Variants in SAMD3 observed in about 807,000 individuals in gnomAD.
SAMD3 encodes the protein sterile alpha motif domain-containing protein 3.
SAMD3 carries 63 observed loss-of-function variants against 58.5 expected under a neutral mutation model. That is an observed-to-expected ratio of 1.08 (90% CI 0.88 to 1.33). The LOEUF (loss-of-function observed/expected upper bound fraction) is 1.33, where lower values mean the gene tolerates loss of function less well. Ranked by LOEUF, SAMD3 falls within the 40% of genes most tolerant of loss-of-function variation. The pLI is 0.00. For missense variants in SAMD3, 604 were observed against 608.4 expected, an observed-to-expected ratio of 0.99 and a Z score of 0.08; for synonymous variants, 220 against 210.3, an observed-to-expected ratio of 1.05 and a Z score of -0.40.
At chr6:130,348,694 C>A (rs930153313) in intron 1 of SAMD3, among the ~76,000 whole-genome samples, 15 of 152,240 alleles carry the variant, frequency 9.9e-5, no homozygotes, top group Non-Finnish European at 1.6e-4. Flanking sequence ...ACAAGGATAT[C>A]CAGGAACTGA....
chr6:130,364,763 C>G (rs1305405277), intron 1 of SAMD3, among the ~76,000 whole-genome samples: 1 of 151,980 alleles, frequency 6.6e-6, no homozygotes, highest in Non-Finnish European at 1.5e-5. Context: ...TCTCTAAATT[C>G]TTCTAGTCAA....
At chr6:130,284,909 A>G (rs539428719) in intron 2 of SAMD3, among the ~76,000 whole-genome samples, 10 of 152,336 alleles carry the variant, frequency 6.6e-5, no homozygotes, top group African/African-American at 1.9e-4. Flanking sequence ...CCACAGTTCT[A>G]TGGGGGAGAT....
chr6:130,191,709 T>G (rs1290261781), intron 5 of SAMD3, among the ~76,000 whole-genome samples: 1 of 152,128 alleles, frequency 6.6e-6, no homozygotes, highest in East Asian at 1.9e-4. Context: ...TTAAAGGAAT[T>G]TTTTCATTCT....
rs1361533264 is a variant in SAMD3 at position 130,146,156 on chromosome 6, G to A, written c.1049C>T (p.Thr350Ile). The A allele has an allele frequency of 1.3e-6, 2 of 1,586,844 alleles. No individual in the cohort carries two copies. The highest frequency in any genetic ancestry group is 1.7e-6 in the Non-Finnish European group (2 of 1,168,216). The change falls in exon 10 of 12, where the codon ACA becomes ATA. Residue 350 changes from threonine (T) to isoleucine (I), a missense_variant. Thr to Ile is a moderately conservative substitution (Grantham distance 89). Transcript: ENST00000439090. ...TGTTTTCTTATAAATATCTGTTCTTGTAAGAAGTTGGAATTCTCTGAACAT... is the reference window on the plus strand; with the variant it reads ...TGTTTTCTTATAAATATCTGTTCTTATAAGAAGTTGGAATTCTCTGAACAT... ...YQMFREFQLL[T>I]RTDIYKKTRH...
chr6:130,241,909 T>C (rs2114895634), intron 2 of SAMD3, among the ~76,000 whole-genome samples: 1 of 152,316 alleles, frequency 6.6e-6, no homozygotes, highest in East Asian at 1.9e-4. Flanking sequence ...ATTCTACATT[T>C]TCAGTAATGA....
intron 2 of SAMD3, among the ~76,000 whole-genome samples, chr6:130,290,516 A>G (rs983566578): frequency 2.6e-5 from 4 of 152,220 alleles, no homozygotes; most frequent in African/African-American, 9.6e-5. Flanking sequence ...GCAGTCTAGT[A>G]TATACTAAAC....
At chr6:130,169,782 C>T (rs1270933969) in intron 8 of SAMD3, among the ~76,000 whole-genome samples, 1 of 152,158 alleles carries the variant, frequency 6.6e-6, no homozygotes, top group East Asian at 1.9e-4. Flanking sequence ...AAGAGGTGGG[C>T]TTGTATTTAG....
At chr6:130,262,443 GAA>G (rs532773558) in intron 2 of SAMD3, among the ~76,000 whole-genome samples, 1 of 140,430 alleles carries the variant, frequency 7.1e-6, no homozygotes, top group African/African-American at 2.6e-5. Context: ...TATTCTGTTA[GAA>G]AAAAAAAAAA....
intron 5 of SAMD3, among the ~76,000 whole-genome samples, chr6:130,195,322 T>C (rs1203582507): frequency 6.6e-6 from 1 of 152,168 alleles, no homozygotes; most frequent in Non-Finnish European, 1.5e-5. Flanking sequence ...CCCTGCTCAA[T>C]GCCAAGATCC....
At chr6:130,154,075 A>G (rs1789501714) in intron 9 of SAMD3, among the ~76,000 whole-genome samples, 1 of 152,092 alleles carries the variant, frequency 6.6e-6, no homozygotes, top group South Asian at 2.1e-4. Context: ...TCCTTAATAA[A>G]CTACCTTGAT....
At chr6:130,234,423 CA>C (rs1376757949) in intron 2 of SAMD3, among the ~76,000 whole-genome samples, 1 of 152,042 alleles carries the variant, frequency 6.6e-6, no homozygotes, top group Non-Finnish European at 1.5e-5. Flanking sequence ...TCATGTTCAA[CA>C]AATGACACAC....
intron 2 of SAMD3, among the ~76,000 whole-genome samples, chr6:130,278,998 G>A (rs9492523): frequency 0.14 from 21,965 of 152,034 alleles, 4,204 homozygotes; most frequent in African/African-American, 0.44. Context: ...ATGAACCTTA[G>A]AATCAAGTTG....
chr6:130,355,268 A>G (rs998646457), intron 1 of SAMD3, among the ~76,000 whole-genome samples: 3 of 152,148 alleles, frequency 2.0e-5, no homozygotes, highest in Non-Finnish European at 4.4e-5. Flanking sequence ...TACTAAAAAT[A>G]CAACAATTAG....
chr6:130,172,821 C>G (rs184284963), intron 8 of SAMD3, among the ~76,000 whole-genome samples: 2 of 152,310 alleles, frequency 1.3e-5, no homozygotes, highest in East Asian at 3.9e-4. Flanking sequence ...GTTCCATTCT[C>G]CCTGTCACTT....
intron 5 of SAMD3, among the ~76,000 whole-genome samples, chr6:130,200,678 A>C (rs1794580706): frequency 6.6e-6 from 1 of 152,166 alleles, no homozygotes; most frequent in Admixed American, 6.5e-5. Context: ...TATCACCAGC[A>C]ATCAAAGTGG....
intron 2 of SAMD3, among the ~76,000 whole-genome samples, chr6:130,269,052 G>A (rs1036965410): frequency 6.6e-6 from 1 of 152,088 alleles, no homozygotes. Flanking sequence ...AGTTCCCGAA[G>A]TTTTACTCCT....
At position 130,184,197 on chromosome 6, in the gene SAMD3, A is replaced by G; in HGVS notation, c.570-10T>C. 6.3e-7 allele frequency: 1 copy of G among 1,597,066 alleles called. No individual in the cohort carries two copies. The highest frequency in any genetic ancestry group is 1.1e-5 in the South Asian group (1 of 89,790). ...CTGGGTGCTGGGGTACCTGTTCACC[A>G]AAACAAGGAGGATATGTTTCACTTC... On this transcript the variant is annotated splice_polypyrimidine_tract_variant and intron_variant, in intron 6 of 11. Coordinates refer to ENST00000439090, the MANE Select transcript of SAMD3 (RefSeq NM_001017373.4).
chr6:130,245,415 A>G (rs1773506761), intron 2 of SAMD3, among the ~76,000 whole-genome samples: 1 of 152,220 alleles, frequency 6.6e-6, no homozygotes, highest in African/African-American at 2.4e-5. Flanking sequence ...CCAAGTATAA[A>G]CAAGGGAAGG....
At chr6:130,254,521 GTT>G (rs1449952038) in intron 2 of SAMD3, among the ~76,000 whole-genome samples, 1 of 151,380 alleles carries the variant, frequency 6.6e-6, no homozygotes, top group Non-Finnish European at 1.5e-5. Context: ...TAGAGATAAG[GTT>G]TTGCCATGTT....
Sources: allele counts gnomAD v4.1 joint callset (sites outside exome capture counted in the v4.1 genomes callset), GRCh38; gene constraint gnomAD v4.1.1; transcripts MANE v1.5; gene names NCBI Gene and HGNC (gene_info 2026-07-23, HGNC 2026-07-21).